The following ATP8B4 variants were observed in gnomAD, a reference collection of about 807,000 sequenced individuals.
The protein encoded by ATP8B4 is probable phospholipid-transporting ATPase IM.
Under a neutral mutation model 145.6 loss-of-function variants are expected in ATP8B4, and 133 were observed. The ratio of observed to expected loss-of-function variants is 0.91; its 90% confidence interval spans 0.79 to 1.05. The LOEUF is 1.05. Ranked by LOEUF, ATP8B4 falls within the 50% of genes least tolerant of loss-of-function variation. The pLI is 0.00. For synonymous variants in ATP8B4, 507 were observed against 492.9 expected (o/e 1.03, Z -0.38); for missense variants, 1,458 against 1,425.2 (o/e 1.02, Z -0.37).
intron 2 of ATP8B4, among the ~76,000 whole-genome samples, chr15:50,104,335 A>C (rs568437903): frequency 6.6e-6 from 1 of 152,324 alleles, no homozygotes; most frequent in South Asian, 2.1e-4. Context: ...TACATCCGAC[A>C]AAAGACTAAT....
chr15:50,130,808 T>C (rs1312575499), intron 1 of ATP8B4, among the ~76,000 whole-genome samples: 1 of 151,666 alleles, frequency 6.6e-6, no homozygotes, highest in Non-Finnish European at 1.5e-5. Context: ...TAAATAAGAG[T>C]CTTGGATTGC....
chr15:50,001,323 A>G (rs926793218), intron 8 of ATP8B4, among the ~76,000 whole-genome samples: 1 of 151,312 alleles, frequency 6.6e-6, no homozygotes, highest in African/African-American at 2.5e-5. Context: ...GAACTGTTTT[A>G]GTTGTGTCTG....
At chr15:49,892,314 T>C (rs1195779858) in intron 23 of ATP8B4, among the ~76,000 whole-genome samples, 2 of 152,148 alleles carry the variant, frequency 1.3e-5, no homozygotes, top group Non-Finnish European at 2.9e-5. Flanking sequence ...AGTTGAGATA[T>C]ATTCACATAC....
At chr15:49,932,602 A>G (rs2041368361) in intron 15 of ATP8B4, among the ~76,000 whole-genome samples, 1 of 152,086 alleles carries the variant, frequency 6.6e-6, no homozygotes, top group Non-Finnish European at 1.5e-5. Context: ...CAAGAAAGTA[A>G]GAACTGTTCA....
At position 49,934,106 on chromosome 15, in the gene ATP8B4, T is replaced by C; in HGVS notation, c.1364A>G (p.Glu455Gly). 1 of 1,612,852 alleles carries C rather than the reference T, an allele frequency of 6.2e-7. No individual in the cohort carries two copies. The highest frequency in any genetic ancestry group is 8.5e-7 in the Non-Finnish European group (1 of 1,179,234). ...TTTGGGATCACCCATTTTAATGGAT[T>C]CCATCAGATGGTGGTCAAAGAACTG... ...EFQFFDHHLM[E>G]SIKMGDPKVH... is the part of the protein sequence containing the mutation. The change falls in exon 15 of 28, where the codon GAA becomes GGA. Residue 455 changes from glutamate (E) to glycine (G), a missense_variant. Physicochemically the swap from Glu to Gly is moderately conservative, Grantham distance 98. Transcript: ENST00000284509.
At chr15:50,127,620 C>A (rs916715231) in intron 1 of ATP8B4, among the ~76,000 whole-genome samples, 1 of 152,170 alleles carries the variant, frequency 6.6e-6, no homozygotes, top group Non-Finnish European at 1.5e-5. Flanking sequence ...AGGATAGCAA[C>A]CTAGACGCAT....
intron 2 of ATP8B4, among the ~76,000 whole-genome samples, chr15:50,090,128 C>T (rs763801296): frequency 7.2e-5 from 11 of 152,076 alleles, no homozygotes; most frequent in African/African-American, 2.4e-4. Flanking sequence ...AACCAAACAT[C>T]GCATGTTCTC....
At chr15:50,057,920 T>C (rs2052722324) in intron 3 of ATP8B4, among the ~76,000 whole-genome samples, 1 of 152,168 alleles carries the variant, frequency 6.6e-6, no homozygotes, top group African/African-American at 2.4e-5. Flanking sequence ...TGTTTAGACG[T>C]ATATAACATT....
chr15:50,002,143 A>T lies in ATP8B4; in HGVS notation c.506+10T>A. 1.3e-6 allele frequency: 2 copies of T among 1,592,518 alleles called. No homozygotes were observed. The highest frequency in any genetic ancestry group is 1.1e-5 in the South Asian group (1 of 89,604). ...AAACCAACCAAATTATTCTAATTTT[A>T]ATAACTTACCCATCAAGCTCAGCAG... is the stretch of plus-strand genomic sequence containing the variant. On this transcript the variant is annotated intron_variant, in intron 8 of 27. Transcript: ENST00000284509.
chr15:50,077,576 G>T (rs919223591), intron 2 of ATP8B4, among the ~76,000 whole-genome samples: 5 of 152,186 alleles, frequency 3.3e-5, no homozygotes, highest in Non-Finnish European at 7.3e-5. Context: ...GTTATGGACA[G>T]GGTGACAGGC....
chr15:49,858,603 T>TAG lies in ATP8B4; in HGVS notation c.*1589_*1590dup, dbSNP rs1555389367. 1.3e-5 allele frequency: 2 copies of TAG among 152,216 alleles called. No individual in the cohort carries two copies. The highest frequency in any genetic ancestry group is 1.5e-5 in the Non-Finnish European group (1 of 68,036). The allele number at this position is 152,216 out of a possible 1,614,324, so 9.4% of individuals were successfully genotyped here. ...TAACTTTGTCTGACCAAGAATTTAA[T>TAG]AGGGACCAGATTAAGGACTCTGTAG... On this transcript the variant is annotated 3_prime_UTR_variant, in exon 28 of 28. Transcript: ENST00000284509.
Position 49,976,826 on chromosome 15 carries a change from A to G in ATP8B4, c.1034+2791T>C, listed in dbSNP as rs116330291. ...TTACAATAGCAGAGAAAAGGAGAAA[A>G]ATATTCAGAGTTAACATAATCCAGC... is the stretch of plus-strand genomic sequence containing the variant. On this transcript the variant is annotated intron_variant, in intron 12 of 27. Coordinates refer to ENST00000284509, the MANE Select transcript of ATP8B4 (RefSeq NM_024837.4). Among the ~76,000 whole-genome samples, 953 of 152,228 alleles carry G rather than the reference A, an allele frequency of 6.3e-3. 14 individuals carry two copies. Among genetic ancestry groups the G allele is most frequent in the African/African-American group, 0.022 (904 of 41,548 alleles).
intron 12 of ATP8B4, among the ~76,000 whole-genome samples, chr15:49,973,532 C>A (rs2045371056): frequency 6.6e-6 from 1 of 152,162 alleles, no homozygotes; most frequent in Non-Finnish European, 1.5e-5. Flanking sequence ...CAGAACCAAA[C>A]CATAACAAAT....
chr15:50,133,409 T>C (rs1235902646), intron 1 of ATP8B4, among the ~76,000 whole-genome samples: 1 of 149,112 alleles, frequency 6.7e-6, no homozygotes, highest in Non-Finnish European at 1.5e-5. Flanking sequence ...GGAAACTTCA[T>C]CTCTACAAAA....
chr15:49,953,150 G>A (rs111787648), intron 14 of ATP8B4, among the ~76,000 whole-genome samples: 7,332 of 152,042 alleles, frequency 0.048, 252 homozygotes, highest in Middle Eastern at 0.082. Flanking sequence ...TCTTGTATAG[G>A]GTGTCTGACA....
In ATP8B4 at chr15:49,944,251, A is replaced by G. The variant is rs567912002; in HGVS notation, c.1288-10069T>C. Among the ~76,000 whole-genome samples the G allele has an allele frequency of 1.4e-4, 21 of 152,296 alleles. No individual in the cohort carries two copies. The South Asian group carries it at 4.3e-3, about 32-fold the overall frequency. On this transcript the variant is annotated intron_variant, in intron 14 of 27. Transcript: ENST00000284509. Reference sequence around the variant, plus strand: ...CTTTAAATGTGAATGGATTAAGTTCACCAATTAAAAGATATAAAGTGATTA... The same window carrying G: ...CTTTAAATGTGAATGGATTAAGTTCGCCAATTAAAAGATATAAAGTGATTA...
intron 20 of ATP8B4, among the ~76,000 whole-genome samples, chr15:49,903,516 A>G (rs1303502611): frequency 6.6e-6 from 1 of 152,240 alleles, no homozygotes; most frequent in South Asian, 2.1e-4. Context: ...GCTTGCATAC[A>G]ACCTATAAAG....
At chr15:49,900,895 G>A (rs1057291788) in intron 21 of ATP8B4, among the ~76,000 whole-genome samples, 197 bp downstream of exon 21, 3 of 151,978 alleles carry the variant, frequency 2.0e-5, no homozygotes, top group South Asian at 4.2e-4. Flanking sequence ...CCTTTACTGT[G>A]GTGATCCAAA....
chr15:50,153,094 T>G (rs1019258788), intron 1 of ATP8B4, among the ~76,000 whole-genome samples: 1 of 152,162 alleles, frequency 6.6e-6, no homozygotes, highest in Non-Finnish European at 1.5e-5. Context: ...GAGGACTGCA[T>G]GGCTCTTGGA....
Sources: gnomAD v4.1 joint callset for allele counts (sites outside exome capture counted in the v4.1 genomes callset) on GRCh38, gnomAD v4.1.1 for gene constraint, MANE v1.5 for transcripts, NCBI Gene and HGNC (gene_info 2026-07-23, HGNC 2026-07-21) for gene names.